RHCE: variants seen among roughly 807,000 people sequenced by gnomAD.
The protein encoded by RHCE is Rh blood group CcEe antigens, also known as blood group Rh(CE) polypeptide.
Under a neutral mutation model 43.8 loss-of-function variants are expected in RHCE, and 22 were observed. The ratio of observed to expected loss-of-function variants is 0.50; its 90% CI spans 0.36 to 0.72. RHCE has a LOEUF of 0.72. RHCE is among the 30% of genes least tolerant of loss of function. The pLI, the probability that RHCE is intolerant of heterozygous loss-of-function variation, is 0.00. For missense variants in RHCE, 385 were observed against 525.4 expected, an observed-to-expected ratio of 0.73 and a Z score of 2.61; for synonymous variants, 156 against 210.7, an observed-to-expected ratio of 0.74 and a Z score of 2.25.
At chr1:25,428,464 G>T (rs2042821281) in intron 2 of RHCE, among the ~76,000 whole-genome samples, 1 of 152,222 alleles carries the variant, frequency 6.6e-6, no homozygotes, top group Non-Finnish European at 1.5e-5. Flanking sequence ...CTTTCTCAAT[G>T]ATGGGCAGGC....
At chr1:25,386,228 C>T (rs529225001) in intron 6 of RHCE, among the ~76,000 whole-genome samples, 1 of 152,300 alleles carries the variant, frequency 6.6e-6, no homozygotes, top group Non-Finnish European at 1.5e-5. Context: ...CTGGTCTCTC[C>T]CCACGAGCTG....
intron 3 of RHCE, among the ~76,000 whole-genome samples, chr1:25,401,132 T>G (rs1646725861): frequency 6.6e-6 from 1 of 152,194 alleles, no homozygotes; most frequent in South Asian, 2.1e-4. Context: ...TTTCTCAGAG[T>G]AAATCCAAAG....
At chr1:25,425,225 T>C (rs2042796672), upstream of RHCE, among the ~76,000 whole-genome samples, 1 of 152,214 alleles carries the variant, frequency 6.6e-6, no homozygotes, top group South Asian at 2.1e-4. Flanking sequence ...GGGAAGTCCA[T>C]AGTAGGTGCT....
At chr1:25,392,201 T>TC (rs1646393020) in intron 3 of RHCE, 60 bp from the exon 4 acceptor site, 26 of 1,613,096 alleles carry the variant, frequency 1.6e-5, no homozygotes, top group Non-Finnish European at 2.0e-5. Flanking sequence ...GGGAAAGCCC[T>TC]GATGGTCCTT....
intron 2 of RHCE, among the ~76,000 whole-genome samples, chr1:25,405,362 A>C (rs1400296589): frequency 6.6e-6 from 1 of 152,204 alleles, no homozygotes; most frequent in Non-Finnish European, 1.5e-5. Flanking sequence ...TGTCTCAAAC[A>C]CAGTTTTAGG....
At chr1:25,386,295 A>G (rs1382827383) in intron 6 of RHCE, among the ~76,000 whole-genome samples, 1 of 152,198 alleles carries the variant, frequency 6.6e-6, no homozygotes, top group Non-Finnish European at 1.5e-5. Flanking sequence ...ACATTGTCAG[A>G]TGTCCCCTGG....
chr1:25,422,222 G>A (rs2042769947), upstream of RHCE, among the ~76,000 whole-genome samples: 1 of 152,212 alleles, frequency 6.6e-6, no homozygotes, highest in South Asian at 2.1e-4. Flanking sequence ...CTAGCAGGGG[G>A]TTGGTTAAGA....
rs1232088199 is a variant in RHCE, at chr1:25,362,352, C to T, written c.*175G>A. ...TTATTTTAAACTTATTAAATTGACT[C>T]TTAAACTAAGTTTTTAGTCTTTAAT... On this transcript the variant is annotated 3_prime_UTR_variant, in exon 10 of 10. Coordinates refer to ENST00000294413, the MANE Select transcript of RHCE (RefSeq NM_020485.8). 7 of 1,433,756 alleles carry T rather than the reference C, an allele frequency of 4.9e-6. No individual in the cohort carries two copies. The highest frequency in any genetic ancestry group is 6.7e-6 in the Non-Finnish European group (7 of 1,049,994). The allele number at this position is 1,433,756 out of a possible 1,614,324, so 88.8% of individuals were successfully genotyped here.
chr1:25,423,267 G>GA (rs2042780611), upstream of RHCE, among the ~76,000 whole-genome samples: 1 of 152,176 alleles, frequency 6.6e-6, no homozygotes. Flanking sequence ...TGCACAGTGG[G>GA]ATAAAGGGAT....
In RHCE at chr1:25,370,629, GAC is replaced by G. The variant is rs1478072405; in HGVS notation, c.1154-91_1154-90del. On this transcript the variant is annotated intron_variant, in intron 8 of 9. Coordinates refer to ENST00000294413, the MANE Select transcript of RHCE (RefSeq NM_020485.8). ...ATCAAAATATTGTGTGTGTCAAAAC[GAC>G]AGTGTCTCAACAGAAATCCTTTTTC... The G allele has an allele frequency of 6.6e-5, 77 of 1,161,138 alleles. No individual in the cohort carries two copies. In the Admixed American group the frequency reaches 7.5e-4, roughly 11 times the overall value. The allele number at this position is 1,161,138 out of a possible 1,614,324, so 71.9% of individuals were successfully genotyped here. A position where few individuals can be genotyped will look rare whatever the true frequency, so the allele number is the denominator to read the frequency against.
chr1:25,385,876 C>G lies in RHCE; in HGVS notation c.940-32G>C, dbSNP rs759826349. The G allele has an allele frequency of 2.5e-6, 4 of 1,613,884 alleles. No homozygotes were observed. The East Asian group carries it at 8.9e-5, about 36-fold the overall frequency. On this transcript the variant is annotated intron_variant, in intron 6 of 9. Coordinates refer to ENST00000294413, the MANE Select transcript of RHCE (RefSeq NM_020485.8). ...ACAAGTGTTATTATAAGCAGATTGG[C>G]AGGTGAGACCCATATTCCCTACCCA...
chr1:25,400,184 C>T lies in RHCE; in HGVS notation c.486+2412G>A, dbSNP rs543868650. On this transcript the variant is annotated intron_variant, in intron 3 of 9. Coordinates refer to ENST00000294413, the MANE Select transcript of RHCE (RefSeq NM_020485.8). ...TGCTTCTCCTCCATTTCTCTGTTCC[C>T]CTTTAGAGCAAAGTCCTTGGCAGGG... Among the ~76,000 whole-genome samples the T allele has an allele frequency of 1.1e-4, 17 of 152,286 alleles. No homozygotes were observed. In the South Asian group the frequency reaches 3.3e-3, roughly 30 times the overall value.
At chr1:25,410,715 G>A (rs1338145566) in intron 1 of RHCE, among the ~76,000 whole-genome samples, 12 of 152,190 alleles carry the variant, frequency 7.9e-5, no homozygotes, top group South Asian at 2.1e-4. Flanking sequence ...AATGTTTTTC[G>A]AAAAGGTGGA....
At chr1:25,376,054 T>G (rs3091302) in intron 7 of RHCE, among the ~76,000 whole-genome samples, 10,366 of 151,794 alleles carry the variant, frequency 0.068, 1,120 homozygotes, top group African/African-American at 0.23. Flanking sequence ...GCCTCCCAAA[T>G]TGCTGGGATT....
intron 1 of RHCE, chr1:25,419,943 T>C (rs1218215425): frequency 6.9e-6 from 1 of 145,272 alleles, no homozygotes; most frequent in Non-Finnish European, 1.5e-5. Flanking sequence ...TTTGGGAGAC[T>C]GAGGCTGGAG....
chr1:25,375,791 CTTT>C (rs1168607618), intron 7 of RHCE, among the ~76,000 whole-genome samples: 6 of 123,438 alleles, frequency 4.9e-5, no homozygotes, highest in African/African-American at 2.0e-4. Context: ...CTCTCTCTCT[CTTT>C]TTTTTTTTTT....
intron 8 of RHCE, among the ~76,000 whole-genome samples, chr1:25,373,237 C>T (rs538188185): frequency 1.3e-5 from 2 of 151,660 alleles, no homozygotes; most frequent in South Asian, 2.1e-4. Flanking sequence ...AAAAGACCCC[C>T]GGGTACTTTG....
At chr1:25,399,659 T>A (rs1368167471) in intron 3 of RHCE, among the ~76,000 whole-genome samples, 1 of 152,136 alleles carries the variant, frequency 6.6e-6, no homozygotes, top group East Asian at 1.9e-4. Context: ...CCCTCTCTAG[T>A]CGGTAGATAC....
rs556537351 is a variant in RHCE, at chr1:25,408,923, G to A, written c.149-54C>T. 2.5e-5 allele frequency: 30 copies of A among 1,177,866 alleles called. 2 individuals carry two copies. In the African/African-American group the frequency reaches 3.9e-4, roughly 15 times the overall value. The allele number at this position is 1,177,866 out of a possible 1,614,324, so 73.0% of individuals were successfully genotyped here. ...GGAGGGGGAAGCAGACGAGATTTAG[G>A]GTGGTATGAAATTAGAGTCTTACTA... On this transcript the variant is annotated intron_variant, in intron 1 of 9. Transcript: ENST00000294413.
Sources: allele counts gnomAD v4.1 joint callset (sites outside exome capture counted in the v4.1 genomes callset), GRCh38; gene constraint gnomAD v4.1.1; transcripts MANE v1.5; gene names NCBI Gene and HGNC (gene_info 2026-07-23, HGNC 2026-07-21).